CCDC88C: variants seen among roughly 807,000 people sequenced by gnomAD.
The protein encoded by CCDC88C is protein Daple.
Under a neutral mutation model 198.8 loss-of-function variants are expected in CCDC88C, and 131 were observed. That is an observed-to-expected ratio of 0.66 (90% CI 0.57 to 0.76). The LOEUF (loss-of-function observed/expected upper bound fraction) is 0.76. Among genes scored for constraint, CCDC88C ranks in the 30% least tolerant of loss-of-function variants. The probability of loss-of-function intolerance (pLI) is 0.00; values close to 1 mark genes in which losing one functional copy is unlikely to be tolerated. For synonymous variants in CCDC88C, 1,166 were observed against 1,114.7 expected (o/e 1.05, Z -0.92); for missense variants, 2,553 against 2,631.6 (o/e 0.97, Z 0.65).
At chr14:91,397,163 AG>A (rs1885896916) in intron 3 of CCDC88C, among the ~76,000 whole-genome samples, 1 of 152,212 alleles carries the variant, frequency 6.6e-6, no homozygotes, top group South Asian at 2.1e-4. Flanking sequence ...GTCAATGTCC[AG>A]AGGTGGGCAG....
In CCDC88C at chr14:91,313,719, G is replaced by C. The variant is rs774964242; in HGVS notation, c.2097C>G (p.Asn699Lys). 6.2e-7 allele frequency: 1 copy of C among 1,610,240 alleles called. No homozygotes were observed. Among genetic ancestry groups the C allele is most frequent in the African/African-American group, 1.3e-5 (1 of 74,890 alleles). ...CCAGGTTCTCTGCGTCCAGCTGCTT[G>C]TTGTCACGCTCCAGGCCCTCAAGCT... ...SLQLEGLERDNKQLDAENLEL... is the reference protein window; with the variant it reads ...SLQLEGLERDKKQLDAENLEL... The change falls in exon 15 of 30, where the codon AAC (asparagine) becomes AAG (lysine). Residue 699 changes from asparagine (N) to lysine (K), a missense_variant. Physicochemically the swap from Asn to Lys is moderately conservative, Grantham distance 94 (BLOSUM62 0). This residue lies in a region of CCDC88C where 1,260 missense variants were observed against 1,412.0 expected (regional missense o/e 0.89). Coordinates refer to ENST00000389857, the MANE Select transcript of CCDC88C (RefSeq NM_001080414.4). This position sits in a 1 kb window ranked among gnomAD's most constrained non-coding sequence, Gnocchi z 5.2.
At position 91,371,712 on chromosome 14, in the gene CCDC88C, G is replaced by C. The variant is rs898958141; in HGVS notation, c.271-12001C>G. Among the ~76,000 whole-genome samples, 5 of 152,172 alleles carry C rather than the reference G, an allele frequency of 3.3e-5. No homozygotes were observed. The highest frequency in any genetic ancestry group is 1.2e-4 in the African/African-American group (5 of 41,432). Reference sequence around the variant, plus strand: ...CAGCAAGTAGCTGGGCTGGGGGAACGTGGCGCCTGCCCACACAGTGTCCCA... The same window carrying C: ...CAGCAAGTAGCTGGGCTGGGGGAACCTGGCGCCTGCCCACACAGTGTCCCA... On this transcript the variant is annotated intron_variant, in intron 3 of 29. Transcript: ENST00000389857. The surrounding 1 kb of genome is among the most constrained non-coding windows in gnomAD (Gnocchi z 4.2).
chr14:91,345,496 A>G lies in CCDC88C; in HGVS notation c.341-1839T>C, dbSNP rs575920068. ...GTGAGCAGCCGTGCCCGGCCTTAAA[A>G]TATTTCAATCTAAACAATGTTATAA... On this transcript the variant is annotated intron_variant, in intron 4 of 29. Transcript: ENST00000389857. Among the ~76,000 whole-genome samples the G allele has an allele frequency of 1.8e-4, 28 of 152,188 alleles. No individual in the cohort carries two copies. The East Asian group carries it at 5.0e-3, about 27-fold the overall frequency.
rs916716060 is a variant in CCDC88C, at chr14:91,338,312, C to T, written c.892-149G>A. 11 of 1,037,052 alleles carry T rather than the reference C, an allele frequency of 1.1e-5. No individual in the cohort carries two copies. Among genetic ancestry groups the T allele is most frequent in the East Asian group, 7.7e-5 (3 of 38,874 alleles). 64.2% of individuals were successfully genotyped at this position (1,037,052 alleles called of 1,614,324 possible). A position where few individuals can be genotyped will look rare whatever the true frequency, so the allele number is the denominator to read the frequency against. The stretch of plus-strand genomic sequence containing the variant: ...GGGGCCTCCATGTGCCACCACCACA[C>T]GGGATCTCCACCTGCTGTCACTAAG... On this transcript the variant is annotated intron_variant, in intron 9 of 29. Coordinates refer to ENST00000389857, the MANE Select transcript of CCDC88C (RefSeq NM_001080414.4). This position sits in a 1 kb window ranked among gnomAD's most constrained non-coding sequence, Gnocchi z 4.8.
intron 3 of CCDC88C, 43 bp downstream of exon 3, chr14:91,408,616 G>T: frequency 8.0e-7 from 1 of 1,243,314 alleles, no homozygotes; most frequent in South Asian, 1.2e-5. Flanking sequence ...TGACGATACT[G>T]ATGGACACAC....
At chr14:91,326,082 AC>A in intron 10 of CCDC88C, 26 bp from the exon 11 acceptor site, 1 of 1,600,802 alleles carries the variant, frequency 6.2e-7, no homozygotes, top group Non-Finnish European at 8.5e-7. Flanking sequence ...ATACATGAGA[AC>A]CATCAGATAA....
chr14:91,353,814 C>T (rs1313103139), intron 4 of CCDC88C, among the ~76,000 whole-genome samples: 1 of 152,344 alleles, frequency 6.6e-6, no homozygotes, highest in South Asian at 2.1e-4. Flanking sequence ...TAATGAAACC[C>T]CAAGGCTCTT....
chr14:91,350,757 C>T (rs995042149), intron 4 of CCDC88C, among the ~76,000 whole-genome samples: 2 of 152,154 alleles, frequency 1.3e-5, no homozygotes, highest in Non-Finnish European at 2.9e-5. Flanking sequence ...GGGTTTAACC[C>T]TCACAACCTG....
intron 3 of CCDC88C, among the ~76,000 whole-genome samples, chr14:91,384,044 G>T (rs1433696506): frequency 1.3e-5 from 2 of 152,122 alleles, no homozygotes; most frequent in Admixed American, 6.5e-5. Context: ...GATGTTCCTA[G>T]GGCACCACAT....
At chr14:91,398,752 G>A (rs1330334394) in intron 3 of CCDC88C, among the ~76,000 whole-genome samples, 2 of 152,210 alleles carry the variant, frequency 1.3e-5, no homozygotes, top group Non-Finnish European at 2.9e-5. Flanking sequence ...GGGAGTGCAG[G>A]CCTTTTGTTA....
rs527987645 is a variant in CCDC88C, at chr14:91,400,649, T to C, written c.270+8010A>G. ...AACAAAAACGAAGTCCACCCAGACA[T>C]TGCAAACACAACCTCAGGACCTCAC... On this transcript the variant is annotated intron_variant, in intron 3 of 29. Coordinates refer to ENST00000389857, the MANE Select transcript of CCDC88C (RefSeq NM_001080414.4). Among the ~76,000 whole-genome samples the C allele has an allele frequency of 1.6e-4, 25 of 152,290 alleles. No homozygotes were observed. The South Asian group carries it at 1.9e-3, about 11-fold the overall frequency.
intron 10 of CCDC88C, among the ~76,000 whole-genome samples, chr14:91,326,652 G>A (rs565807238): frequency 6.6e-6 from 1 of 152,354 alleles, no homozygotes; most frequent in East Asian, 1.9e-4. Flanking sequence ...AGGGGACCCT[G>A]AGCCCATTTC....
At chr14:91,372,474 G>A (rs1279860973) in intron 3 of CCDC88C, among the ~76,000 whole-genome samples, 1 of 139,178 alleles carries the variant, frequency 7.2e-6, no homozygotes, top group African/African-American at 2.7e-5. Flanking sequence ...GTGGCCGGAA[G>A]CTGAAATGGG....
In CCDC88C at chr14:91,313,977, C is replaced by G. The variant is rs779803821; in HGVS notation, c.1839G>C (p.Lys613Asn). Residue 613 changes from lysine (K) to asparagine (N), a missense_variant, in exon 15 of 30, where the codon AAG becomes AAC. This residue lies in a region of CCDC88C where 1,260 missense variants were observed against 1,412.0 expected (regional missense o/e 0.89). Coordinates refer to ENST00000389857, the MANE Select transcript of CCDC88C (RefSeq NM_001080414.4). The surrounding 1 kb of genome is among the most constrained non-coding windows in gnomAD (Gnocchi z 5.2). Reference sequence around the variant, plus strand: ...GCTCCAAGTCCCTGTGCAGCTGCCGCTTCTCAAACTCCAACTGGCTGAGCT... The same window carrying G: ...GCTCCAAGTCCCTGTGCAGCTGCCGGTTCTCAAACTCCAACTGGCTGAGCT... ...NGKLSQLEFE[K>N]RQLHRDLEQA... 4 of 1,613,880 alleles carry G rather than the reference C, an allele frequency of 2.5e-6. No homozygotes were observed. In the East Asian group the frequency reaches 8.9e-5, roughly 36 times the overall value.
intron 22 of CCDC88C, among the ~76,000 whole-genome samples, chr14:91,296,685 A>C (rs1029827209): frequency 5.3e-4 from 81 of 152,170 alleles, no homozygotes; most frequent in Non-Finnish European, 6.5e-4. Flanking sequence ...GGCGTCTGAG[A>C]CTGTTTCTCA....
In CCDC88C at chr14:91,387,064, T is replaced by C. The variant is rs560292485; in HGVS notation, c.270+21595A>G. Among the ~76,000 whole-genome samples the C allele has an allele frequency of 2.6e-5, 4 of 152,316 alleles. No individual in the cohort carries two copies. The South Asian group carries it at 8.3e-4, about 32-fold the overall frequency. On this transcript the variant is annotated intron_variant, in intron 3 of 29. Coordinates refer to ENST00000389857, the MANE Select transcript of CCDC88C (RefSeq NM_001080414.4). Reference sequence around the variant, plus strand: ...ATTCCCACTTTATGAATGTGGAAAATGAGGCATAAAGATGCAGAGTGACTC... The same window carrying C: ...ATTCCCACTTTATGAATGTGGAAAACGAGGCATAAAGATGCAGAGTGACTC...
chr14:91,285,473 A>G (rs976719743), intron 25 of CCDC88C: 11 of 468,106 alleles, frequency 2.3e-5, no homozygotes, highest in East Asian at 1.4e-4. Context: ...TGCTGAAGAA[A>G]TGGTCCAGGG....
chr14:91,325,049 A>T lies in CCDC88C; in HGVS notation c.1198-126T>A. 2 of 1,218,002 alleles carry T rather than the reference A, an allele frequency of 1.6e-6. No individual in the cohort carries two copies. Among genetic ancestry groups the T allele is most frequent in the Admixed American group, 2.0e-5 (1 of 49,548 alleles). The allele number at this position is 1,218,002 out of a possible 1,614,324, so 75.4% of individuals were successfully genotyped here. A position where few individuals can be genotyped will look rare whatever the true frequency, so the allele number is the denominator to read the frequency against. On this transcript the variant is annotated intron_variant, in intron 11 of 29. Coordinates refer to ENST00000389857, the MANE Select transcript of CCDC88C (RefSeq NM_001080414.4). This position sits in a 1 kb window ranked among gnomAD's most constrained non-coding sequence, Gnocchi z 4.1. ...AAGATGTACTGGCTCACTTCCAAAT[A>T]AACAGAGCTGCACAGAAACATCCCA... is the stretch of plus-strand genomic sequence containing the variant.
In CCDC88C at chr14:91,297,370, C is replaced by G. The variant is rs755303091; in HGVS notation, c.3901G>C (p.Asp1301His). 1 of 1,613,484 alleles carries G rather than the reference C, an allele frequency of 6.2e-7. No homozygotes were observed. Among genetic ancestry groups the G allele is most frequent in the African/African-American group, 1.3e-5 (1 of 74,938 alleles). The change falls in exon 22 of 30, where the codon GAC becomes CAC. Residue 1301 changes from aspartate to histidine, a missense_variant. Physicochemically the swap from Asp to His is moderately conservative, Grantham distance 81. Coordinates refer to ENST00000389857, the MANE Select transcript of CCDC88C (RefSeq NM_001080414.4). Reference protein sequence around the residue: ...LELNRWQARFDELKEQHQTMD... With the variant: ...LELNRWQARFHELKEQHQTMD... ...GTCTGGTGCTGCTCCTTCAGCTCGT[C>G]GAAGCGGGCCTGCCAGCGGTTGAGC...
Sources: allele counts gnomAD v4.1 joint callset (sites outside exome capture counted in the v4.1 genomes callset), GRCh38; gene constraint gnomAD v4.1.1; regional missense constraint gnomAD v4.1.1; non-coding constraint Gnocchi (gnomAD v3.1); transcripts MANE v1.5; gene names NCBI Gene and HGNC (gene_info 2026-07-23, HGNC 2026-07-21).